GMDS: variants seen among roughly 807,000 people sequenced by gnomAD.
GMDS encodes the protein GDP-mannose 4,6-dehydratase.
GMDS carries 20 observed loss-of-function variants against 49.9 expected under a neutral mutation model. The ratio of observed to expected loss-of-function variants is 0.40; its 90% CI spans 0.28 to 0.58. The LOEUF (loss-of-function observed/expected upper bound fraction) is 0.58. GMDS is among the 20% of genes least tolerant of loss of function. The probability of loss-of-function intolerance (pLI) is 0.42; values close to 1 mark genes in which losing one functional copy is unlikely to be tolerated. For missense variants in GMDS, 362 were observed against 481.4 expected, an observed-to-expected ratio of 0.75 and a Z score of 2.32; for synonymous variants, 177 against 178.6, an observed-to-expected ratio of 0.99 and a Z score of 0.07.
chr6:2,129,645 C>G (rs1775630323), intron 1 of GMDS, among the ~76,000 whole-genome samples: 1 of 152,174 alleles, frequency 6.6e-6, no homozygotes, highest in South Asian at 2.1e-4. Context: ...TGTTCTTTAA[C>G]TCCATGTTGT....
intron 7 of GMDS, among the ~76,000 whole-genome samples, chr6:1,819,357 G>A (rs1004809072): frequency 4.6e-5 from 7 of 152,106 alleles, no homozygotes; most frequent in Non-Finnish European, 5.9e-5. Context: ...GTTTTTATTC[G>A]ACGGATTCAT....
At chr6:1,734,822 G>A (rs1766946247) in intron 8 of GMDS, among the ~76,000 whole-genome samples, 1 of 152,216 alleles carries the variant, frequency 6.6e-6, no homozygotes, top group Non-Finnish European at 1.5e-5. Context: ...GCCTTGCGAG[G>A]TGGTGCTACT....
chr6:2,171,908 G>C (rs948363160), intron 1 of GMDS, among the ~76,000 whole-genome samples: 1 of 152,162 alleles, frequency 6.6e-6, no homozygotes, highest in Non-Finnish European at 1.5e-5. Context: ...AATGCATACA[G>C]AGAGCAGTGA....
At chr6:1,996,221 C>G (rs994995776) in intron 4 of GMDS, among the ~76,000 whole-genome samples, 8 of 152,070 alleles carry the variant, frequency 5.3e-5, no homozygotes, top group Admixed American at 1.3e-4. Context: ...TTCTCACACA[C>G]TCCCTGCCCC....
At chr6:1,671,397 A>C (rs1370469678) in intron 9 of GMDS, among the ~76,000 whole-genome samples, 5 of 152,116 alleles carry the variant, frequency 3.3e-5, no homozygotes, top group African/African-American at 1.2e-4. Flanking sequence ...CAGCAGGTTG[A>C]ATGCCTTGCT....
At chr6:1,813,835 T>C (rs1273690866) in intron 7 of GMDS, among the ~76,000 whole-genome samples, 1 of 152,222 alleles carries the variant, frequency 6.6e-6, no homozygotes. Context: ...TGTCTTATAA[T>C]TGGAAACTGA....
intron 8 of GMDS, among the ~76,000 whole-genome samples, chr6:1,733,434 G>A (rs1411361031): frequency 6.6e-6 from 1 of 152,174 alleles, no homozygotes; most frequent in African/African-American, 2.4e-5. Flanking sequence ...GATGCCTTTT[G>A]GCAGAACAGG....
intron 7 of GMDS, among the ~76,000 whole-genome samples, chr6:1,867,114 C>A (rs1758477730): frequency 6.6e-6 from 1 of 152,154 alleles, no homozygotes; most frequent in Non-Finnish European, 1.5e-5. Context: ...GTATTCCACT[C>A]TGATGATATC....
chr6:1,877,919 A>G (rs1257551442), intron 7 of GMDS, among the ~76,000 whole-genome samples: 2 of 152,226 alleles, frequency 1.3e-5, no homozygotes, highest in African/African-American at 4.8e-5. Context: ...TTTAGAGGTT[A>G]GCCACACCTA....
chr6:1,777,997 A>T (rs930674134), intron 7 of GMDS, among the ~76,000 whole-genome samples: 1 of 152,190 alleles, frequency 6.6e-6, no homozygotes, highest in African/African-American at 2.4e-5. Context: ...CAGATGGAAG[A>T]GCTGAATGGA....
chr6:1,709,726 G>C (rs1468175571), intron 9 of GMDS, among the ~76,000 whole-genome samples: 1 of 152,180 alleles, frequency 6.6e-6, no homozygotes, highest in East Asian at 1.9e-4. Context: ...GCTTACATGA[G>C]AGTACGTGCA....
intron 9 of GMDS, among the ~76,000 whole-genome samples, chr6:1,629,417 C>T (rs1762932323): frequency 6.6e-6 from 1 of 152,088 alleles, no homozygotes; most frequent in African/African-American, 2.4e-5. Flanking sequence ...GTCCTGTCTG[C>T]TCAGGAAGCG....
At chr6:1,869,311 A>G (rs1758604553) in intron 7 of GMDS, among the ~76,000 whole-genome samples, 1 of 152,216 alleles carries the variant, frequency 6.6e-6, no homozygotes, top group South Asian at 2.1e-4. Flanking sequence ...GCGTTCCTAA[A>G]TAAAAATCAA....
At chr6:1,763,770 C>T (rs780805501) in intron 7 of GMDS, among the ~76,000 whole-genome samples, 11 of 152,206 alleles carry the variant, frequency 7.2e-5, no homozygotes, top group Non-Finnish European at 7.3e-5. Flanking sequence ...TCCATTGGTA[C>T]GAATCTGTCT....
At chr6:2,045,898 G>A (rs1769980476) in intron 4 of GMDS, among the ~76,000 whole-genome samples, 2 of 152,176 alleles carry the variant, frequency 1.3e-5, no homozygotes, top group African/African-American at 4.8e-5. Context: ...ATGCATATAT[G>A]AGACAGCTTA....
intron 9 of GMDS, among the ~76,000 whole-genome samples, chr6:1,630,410 C>T (rs1762964031): frequency 6.6e-6 from 1 of 152,220 alleles, no homozygotes; most frequent in Admixed American, 6.5e-5. Flanking sequence ...GGCTGCCTGG[C>T]CTTTGACTGG....
intron 7 of GMDS, among the ~76,000 whole-genome samples, chr6:1,756,988 A>C (rs1046201435): frequency 3.3e-5 from 5 of 152,156 alleles, no homozygotes; most frequent in Non-Finnish European, 7.4e-5. Flanking sequence ...ACACTGCAAA[A>C]GGACACGCAG....
At chr6:2,147,254 C>T (rs964734413) in intron 1 of GMDS, among the ~76,000 whole-genome samples, 4 of 152,104 alleles carry the variant, frequency 2.6e-5, no homozygotes, top group African/African-American at 9.7e-5. Flanking sequence ...AATGCAAGAG[C>T]GATGGTCTGA....
intron 9 of GMDS, among the ~76,000 whole-genome samples, chr6:1,645,074 T>C (rs763272384): frequency 2.6e-5 from 4 of 152,104 alleles, no homozygotes; most frequent in Non-Finnish European, 5.9e-5. Context: ...TAGCTGGGAT[T>C]ACAGGCATGT....
Sources: gnomAD v4.1 joint callset for allele counts (sites outside exome capture counted in the v4.1 genomes callset) on GRCh38, gnomAD v4.1.1 for gene constraint, MANE v1.5 for transcripts, NCBI Gene and HGNC (gene_info 2026-07-23, HGNC 2026-07-21) for gene names.